SPG11: variants seen among roughly 807,000 people sequenced by gnomAD.
SPG11 encodes the protein spatacsin.
SPG11 carries 222 observed loss-of-function variants against 274.0 expected under a neutral mutation model. That is an observed-to-expected ratio of 0.81 (90% CI 0.73 to 0.91). The LOEUF is 0.91. SPG11 is among the 40% of genes least tolerant of loss of function. SPG11 has a pLI of 0.00. For synonymous variants in SPG11, 1,144 were observed against 1,039.7 expected (o/e 1.10, Z -1.93); for missense variants, 3,114 against 2,872.7 (o/e 1.08, Z -1.92).
rs760573942 is a variant in SPG11 at position 44,652,135 on chromosome 15, A to C, written c.1001T>G (p.Ile334Ser). 6.2e-7 allele frequency: 1 copy of C among 1,614,170 alleles called. No individual in the cohort carries two copies. The highest frequency in any genetic ancestry group is 1.7e-5 in the Admixed American group (1 of 60,024). The change falls in exon 5 of 40, where the codon ATT becomes AGT. Residue 334 changes from isoleucine (I) to serine (S), a missense_variant. Transcript: ENST00000261866. ...NMKLAKFSFQ[I>S]DRSWKAQLSS... The stretch of plus-strand genomic sequence containing the variant: ...GAAAAGGAAGTTTCTGTACCTATCA[A>C]TTTGGAAGGAAAACTTGGCCAGTTT...
At chr15:44,605,958 T>C in intron 20 of SPG11, 67 bp downstream of exon 20, 1 of 1,287,428 alleles carries the variant, frequency 7.8e-7, no homozygotes, top group East Asian at 2.3e-5. Flanking sequence ...AGATTGGCAT[T>C]ACATGTATTA....
At chr15:44,589,592 G>C (rs1046100256) in intron 27 of SPG11, among the ~76,000 whole-genome samples, 178 bp from the exon 28 acceptor site, 1 of 152,178 alleles carries the variant, frequency 6.6e-6, no homozygotes, top group Admixed American at 6.5e-5. Flanking sequence ...TCAGAGGACT[G>C]GCAAAAACAA....
chr15:44,620,277 T>C lies in SPG11; in HGVS notation c.2747A>G (p.Lys916Arg), dbSNP rs1439938279. 6.8e-6 allele frequency: 11 copies of C among 1,614,178 alleles called. No individual in the cohort carries two copies. Among genetic ancestry groups the C allele is most frequent in the Non-Finnish European group, 8.5e-6 (10 of 1,180,014 alleles). ...AACATCAACAGTCAGAAGGGGCCAT[T>C]TGTTCTGCTGAAGTGAAGCATAACT... ...QHSYASLQQN[K>R]WPLLTVDVIN... The change falls in exon 15 of 40, where the codon AAA (lysine) becomes AGA (arginine). Residue 916 changes from lysine (K) to arginine (R), a missense_variant. Transcript: ENST00000261866.
At chr15:44,631,811 T>C (rs890124511) in intron 8 of SPG11, among the ~76,000 whole-genome samples, 6 of 141,610 alleles carry the variant, frequency 4.2e-5, no homozygotes, top group Admixed American at 3.5e-4. Context: ...AGCTTTTTTT[T>C]TTTTTTTTTT....
At chr15:44,652,394 A>G (rs2084810385) in intron 4 of SPG11, 128 bp from the exon 5 acceptor site, 1 of 952,636 alleles carries the variant, frequency 1.0e-6, no homozygotes, top group Admixed American at 2.0e-5. Flanking sequence ...GCAGAAAGGA[A>G]CTCCTTATCT....
At chr15:44,662,057 C>G (rs1037547358) in intron 1 of SPG11, among the ~76,000 whole-genome samples, 21 of 152,284 alleles carry the variant, frequency 1.4e-4, no homozygotes, top group African/African-American at 4.8e-4. Context: ...TTCGGCTTTT[C>G]TTTGCCCCAT....
intron 16 of SPG11, among the ~76,000 whole-genome samples, chr15:44,614,773 A>C (rs2083550313): frequency 6.6e-6 from 1 of 152,220 alleles, no homozygotes; most frequent in African/African-American, 2.4e-5. Flanking sequence ...TACTTAGCTT[A>C]GTGCCAACAT....
intron 1 of SPG11, among the ~76,000 whole-genome samples, chr15:44,662,805 G>C (rs139015871): frequency 6.6e-6 from 1 of 152,254 alleles, no homozygotes; most frequent in African/African-American, 2.4e-5. Flanking sequence ...CCCCAAACAT[G>C]CGCGCCTCGC....
At chr15:44,574,338 C>T (rs377447105) in intron 31 of SPG11, among the ~76,000 whole-genome samples, 3 of 152,222 alleles carry the variant, frequency 2.0e-5, no homozygotes, top group East Asian at 1.9e-4. Flanking sequence ...GTAAGAACAC[C>T]GACTAAAATA....
At chr15:44,629,421 A>G in intron 8 of SPG11, 33 bp from the exon 9 acceptor site, 1 of 1,595,768 alleles carries the variant, frequency 6.3e-7, no homozygotes, top group South Asian at 1.1e-5. Flanking sequence ...AACATAAAGA[A>G]CACCAGGATA....
chr15:44,631,875 G>A (rs995391350), intron 8 of SPG11, among the ~76,000 whole-genome samples: 4 of 143,652 alleles, frequency 2.8e-5, no homozygotes, highest in Middle Eastern at 7.4e-3. Flanking sequence ...ATGGCGTGAT[G>A]ACGGCTCACT....
At chr15:44,641,274 A>G (rs540074183) in intron 7 of SPG11, among the ~76,000 whole-genome samples, 14 of 152,240 alleles carry the variant, frequency 9.2e-5, no homozygotes, top group African/African-American at 2.9e-4. Context: ...AAAAAAATTC[A>G]TAATTGAAAA....
rs750613939 is a variant in SPG11, at chr15:44,622,214, G to A, written c.2444+6C>T. The A allele has an allele frequency of 6.2e-7, 1 of 1,611,788 alleles. No homozygotes were observed. The highest frequency in any genetic ancestry group is 8.5e-7 in the Non-Finnish European group (1 of 1,178,334). On this transcript the variant is annotated splice_donor_region_variant and intron_variant, in intron 13 of 39. Transcript: ENST00000261866. Reference sequence around the variant, plus strand: ...AATATTATCAAAAGAGGACTAATGAGACTACCTGGGAAATGACTGGATTTG... The same window carrying A: ...AATATTATCAAAAGAGGACTAATGAAACTACCTGGGAAATGACTGGATTTG...
In SPG11 at chr15:44,571,496, CTTTT is replaced by C. The variant is rs796235342; in HGVS notation, c.6344-842_6344-839del. Among the ~76,000 whole-genome samples, 59 of 126,136 alleles carry C rather than the reference CTTTT, an allele frequency of 4.7e-4. No homozygotes were observed. The East Asian group carries it at 7.5e-3, about 16-fold the overall frequency. 82.8% of individuals were successfully genotyped at this position (126,136 alleles called of 152,430 possible). ...GGCTATTTTTATTTAAATTTCTTTTCTTTTTTTTTTTTTTTTTTTGAGATGGAGG... is the reference window on the plus strand; with the variant it reads ...GGCTATTTTTATTTAAATTTCTTTTCTTTTTTTTTTTTTTTGAGATGGAGG... On this transcript the variant is annotated intron_variant, in intron 33 of 39. Transcript: ENST00000261866.
chr15:44,592,301 G>T, intron 27 of SPG11, 30 bp downstream of exon 27: 2 of 1,352,702 alleles, frequency 1.5e-6, no homozygotes, highest in South Asian at 1.2e-5. Flanking sequence ...GTGCAGATCA[G>T]TGAGAAAGAG....
Position 44,584,215 on chromosome 15 carries a change from A to G in SPG11, c.5465T>C (p.Phe1822Ser). The G allele has an allele frequency of 6.2e-7, 1 of 1,614,210 alleles. No individual in the cohort carries two copies. The highest frequency in any genetic ancestry group is 2.2e-5 in the East Asian group (1 of 44,882). The change falls in exon 30 of 40, where the codon TTT (phenylalanine) becomes TCT (serine). Residue 1822 changes from phenylalanine to serine, a missense_variant. Physicochemically the swap from Phe to Ser is radical, Grantham distance 155 (BLOSUM62 -2). Coordinates refer to ENST00000261866, the MANE Select transcript of SPG11 (RefSeq NM_025137.4). ...ACCACTAGTTGAGATCTGTCGAGAA[A>G]ATCTGGGCTCTGTTTCCTCCTGATT... The part of the protein sequence containing the change: ...GRNQEETEPR[F>S]SRQISTSGEL...
At chr15:44,588,440 T>C (rs1395402194) in intron 28 of SPG11, 2 of 154,000 alleles carry the variant, frequency 1.3e-5, no homozygotes, top group Non-Finnish European at 2.9e-5. Flanking sequence ...GTGTGGGAGT[T>C]AAGTCAGGGT....
intron 7 of SPG11, among the ~76,000 whole-genome samples, chr15:44,638,135 C>T (rs1338139298): frequency 5.3e-5 from 8 of 152,126 alleles, no homozygotes; most frequent in Admixed American, 4.6e-4. Flanking sequence ...AAGCATTCAA[C>T]GGACCTGTAT....
At chr15:44,652,073 C>T (rs114629245) in intron 5 of SPG11, 56 bp downstream of exon 5, 151 of 1,605,154 alleles carry the variant, frequency 9.4e-5, no homozygotes, top group Admixed American at 8.2e-4. Flanking sequence ...AAGGGTACAG[C>T]GTCAGCATGA....
Sources: gnomAD v4.1 joint callset for allele counts (sites outside exome capture counted in the v4.1 genomes callset) on GRCh38, gnomAD v4.1.1 for gene constraint, MANE v1.5 for transcripts, NCBI Gene and HGNC (gene_info 2026-07-23, HGNC 2026-07-21) for gene names.